MTMR14: variants seen among roughly 807,000 people sequenced by gnomAD.
The protein encoded by MTMR14 is phosphatidylinositol-3,5-bisphosphate 3-phosphatase MTMR14.
Under a neutral mutation model 86.3 loss-of-function variants are expected in MTMR14, and 48 were observed. The observed-to-expected ratio is 0.56, with a 90% confidence interval of 0.44 to 0.71. The LOEUF (loss-of-function observed/expected upper bound fraction) is 0.71. MTMR14 is among the 30% of genes least tolerant of loss of function. The probability of loss-of-function intolerance (pLI) is 0.00; values close to 1 mark genes in which losing one functional copy is unlikely to be tolerated. For synonymous variants in MTMR14, 366 were observed against 326.1 expected, an observed-to-expected ratio of 1.12 and a Z score of -1.32; for missense variants, 780 against 834.6, an observed-to-expected ratio of 0.93 and a Z score of 0.81.
At chr3:9,673,939 ATGT>A (rs2048713946) in intron 7 of MTMR14, among the ~76,000 whole-genome samples, 2 of 152,034 alleles carry the variant, frequency 1.3e-5, no homozygotes, top group South Asian at 4.2e-4. Context: ...GGTGGTGATG[ATGT>A]TGATGATGGT....
chr3:9,668,862 G>A (rs2048405642), intron 4 of MTMR14, 68 bp downstream of exon 4: 15 of 1,529,064 alleles, frequency 9.8e-6, no homozygotes, highest in South Asian at 5.6e-5. Flanking sequence ...TACCCGGGCC[G>A]GGCGCCATGC....
At chr3:9,698,134 T>G (rs1396703069) in intron 18 of MTMR14, among the ~76,000 whole-genome samples, 1 of 152,256 alleles carries the variant, frequency 6.6e-6, no homozygotes, top group Non-Finnish European at 1.5e-5. Flanking sequence ...GGACTGTAAC[T>G]ATAGAAGATT....
At chr3:9,688,319 G>C (rs557736039) in intron 14 of MTMR14, among the ~76,000 whole-genome samples, 1 of 152,216 alleles carries the variant, frequency 6.6e-6, no homozygotes, top group East Asian at 1.9e-4. Flanking sequence ...GTCTGCTTCC[G>C]GCCTGGGAAA....
intron 9 of MTMR14, among the ~76,000 whole-genome samples, chr3:9,679,081 A>T (rs1404366435): frequency 6.6e-6 from 1 of 152,236 alleles, no homozygotes. Flanking sequence ...CACCAATGTC[A>T]GTACCCTGTT....
intron 13 of MTMR14, among the ~76,000 whole-genome samples, 198 bp downstream of exon 13, chr3:9,685,445 C>G (rs2075910264): frequency 6.6e-6 from 1 of 152,166 alleles, no homozygotes; most frequent in Non-Finnish European, 1.5e-5. Flanking sequence ...CCTCGCGGGC[C>G]TGTGCTGTGG....
rs2076467048 is a variant in MTMR14, at chr3:9,701,792, T to C, written c.1772T>C (p.Leu591Pro). 6.2e-7 allele frequency: 1 copy of C among 1,613,774 alleles called. No individual in the cohort carries two copies. The highest frequency in any genetic ancestry group is 2.2e-5 in the East Asian group (1 of 44,886). The change falls in exon 19 of 19, where the codon CTT becomes CCT. Residue 591 changes from leucine to proline, a missense_variant and splice_region_variant. Transcript: ENST00000296003. The surrounding 1 kb of genome is among the most constrained non-coding windows in gnomAD (Gnocchi z 4.2). Reference protein sequence around the residue: ...FPDELPNSCLLAALSDRETRL... With the variant: ...FPDELPNSCLPAALSDRETRL... ...TCTTTCTCTTGACCTCCCCATAGGC[T>C]TGCAGCCCTGAGTGATCGAGAGACT...
At chr3:9,675,530 C>T (rs867242434) in intron 7 of MTMR14, 2 of 456,298 alleles carry the variant, frequency 4.4e-6, no homozygotes, top group African/African-American at 4.0e-5. Flanking sequence ...ATTCTGGGAT[C>T]GTTTCTTTCA....
chr3:9,683,435 A>T (rs1008939285), intron 10 of MTMR14, 191 bp downstream of exon 10: 6 of 605,124 alleles, frequency 9.9e-6, no homozygotes, highest in African/African-American at 9.3e-5. Flanking sequence ...CCATGTCCTC[A>T]AAATCCTAGA....
intron 3 of MTMR14, among the ~76,000 whole-genome samples, chr3:9,665,970 G>T (rs1248712130): frequency 1.3e-5 from 2 of 151,296 alleles, no homozygotes; most frequent in African/African-American, 4.9e-5. Flanking sequence ...CTCGTGATCC[G>T]CCCGTCTCGG....
intron 10 of MTMR14, 141 bp downstream of exon 10, chr3:9,683,385 C>T: frequency 1.3e-6 from 1 of 777,072 alleles, no homozygotes; most frequent in Non-Finnish European, 2.2e-6. Flanking sequence ...TTCCTAGAAT[C>T]CCAGAGGCTG....
In MTMR14 at chr3:9,677,426, CTT is replaced by C; in HGVS notation, c.822+41_822+42del. ...CATACATCAAATTGGATCTATGTCT[CTT>C]TGTAAAGGGAGGCCAAGGAGAACAA... On this transcript the variant is annotated intron_variant, in intron 8 of 18. Transcript: ENST00000296003. This position sits in a 1 kb window ranked among gnomAD's most constrained non-coding sequence, Gnocchi z 4.2. 1.3e-6 allele frequency: 2 copies of C among 1,573,888 alleles called. No individual in the cohort carries two copies. Among genetic ancestry groups the C allele is most frequent in the Non-Finnish European group, 1.7e-6 (2 of 1,143,600 alleles).
intron 7 of MTMR14, among the ~76,000 whole-genome samples, chr3:9,675,134 CAAAT>C (rs901569136): frequency 3.9e-5 from 6 of 152,060 alleles, no homozygotes; most frequent in Non-Finnish European, 8.8e-5. Context: ...AAAACAAAAA[CAAAT>C]AAAAGGCATC....
At chr3:9,664,193 G>A (rs1448061769) in intron 3 of MTMR14, among the ~76,000 whole-genome samples, 1 of 151,236 alleles carries the variant, frequency 6.6e-6, no homozygotes, top group Admixed American at 6.6e-5. Flanking sequence ...AGCAGTTTAA[G>A]GACATGCTTG....
At chr3:9,695,855 C>A (rs890127377) in intron 17 of MTMR14, among the ~76,000 whole-genome samples, 9 of 152,164 alleles carry the variant, frequency 5.9e-5, no homozygotes, top group Non-Finnish European at 1.3e-4. Context: ...AGGGTTGTGC[C>A]GGCTGAAGGC....
intron 2 of MTMR14, among the ~76,000 whole-genome samples, chr3:9,660,019 G>A (rs149254980): frequency 6.6e-6 from 1 of 152,218 alleles, no homozygotes; most frequent in Non-Finnish European, 1.5e-5. Flanking sequence ...GCAGCAGATG[G>A]TGCTGACCAG....
intron 1 of MTMR14, among the ~76,000 whole-genome samples, chr3:9,653,308 C>T (rs193098500): frequency 1.3e-3 from 195 of 152,282 alleles, no homozygotes; most frequent in African/African-American, 4.5e-3. Flanking sequence ...TAACCTGGAC[C>T]AAGAGTTCTT....
intron 13 of MTMR14, 46 bp from the exon 14 acceptor site, chr3:9,687,775 C>A: frequency 6.6e-7 from 1 of 1,524,560 alleles, no homozygotes; most frequent in Non-Finnish European, 8.9e-7. Context: ...GGGAGTTCTG[C>A]TGCCTTGGTT....
Position 9,662,160 on chromosome 3 carries a change from A to G in MTMR14, c.309-107A>G, listed in dbSNP as rs17050486. On this transcript the variant is annotated intron_variant, in intron 2 of 18. Transcript: ENST00000296003. ...TAGGAATGACATTTAATTTCAAGCA[A>G]GCATTATGTACACAGATCTAGTATG... The G allele has an allele frequency of 9.5e-3, 7,422 of 777,846 alleles. 277 individuals carry two copies. Among genetic ancestry groups the G allele is most frequent in the African/African-American group, 0.089 (5,184 of 58,222 alleles). The allele number at this position is 777,846 out of a possible 1,614,324, so 48.2% of individuals were successfully genotyped here.
At position 9,688,891 on chromosome 3, in the gene MTMR14, G is replaced by A. The variant is rs1053454349; in HGVS notation, c.1295-53G>A. The A allele has an allele frequency of 8.1e-6, 13 of 1,613,166 alleles. No homozygotes were observed. In the South Asian group the frequency reaches 1.2e-4, roughly 15 times the overall value. The stretch of plus-strand genomic sequence containing the variant: ...GTTATGTGGTATAGAAAAGGTGGGG[G>A]ACCAGTAGTGGGAGAAGGTAACACG... On this transcript the variant is annotated intron_variant, in intron 15 of 18. Coordinates refer to ENST00000296003, the MANE Select transcript of MTMR14 (RefSeq NM_001077525.3).
Sources: allele counts gnomAD v4.1 joint callset (sites outside exome capture counted in the v4.1 genomes callset), GRCh38; gene constraint gnomAD v4.1.1; non-coding constraint Gnocchi (gnomAD v3.1); transcripts MANE v1.5; gene names NCBI Gene and HGNC (gene_info 2026-07-23, HGNC 2026-07-21).